Variants in PIP4P2 observed in about 807,000 individuals in gnomAD.
The protein encoded by PIP4P2 is type 2 phosphatidylinositol 4,5-bisphosphate 4-phosphatase.
PIP4P2 carries 19 observed loss-of-function variants against 33.3 expected under a neutral mutation model. The ratio of observed to expected loss-of-function variants is 0.57; its 90% CI spans 0.40 to 0.84. PIP4P2 has a LOEUF of 0.84. Ranked by LOEUF, PIP4P2 falls within the 40% of genes least tolerant of loss-of-function variation. The probability of loss-of-function intolerance (pLI) is 0.00; values close to 1 mark genes in which losing one functional copy is unlikely to be tolerated. For missense variants in PIP4P2, 270 were observed against 324.7 expected, an observed-to-expected ratio of 0.83 and a Z score of 1.29; for synonymous variants, 110 against 111.9, an observed-to-expected ratio of 0.98 and a Z score of 0.11.
chr8:91,005,334 T>TG (rs1323122042), intron 5 of PIP4P2, among the ~76,000 whole-genome samples: 1 of 152,164 alleles, frequency 6.6e-6, no homozygotes, highest in African/African-American at 2.4e-5. Flanking sequence ...TTTGTACCTT[T>TG]GCACAGGTAG....
chr8:91,015,998 A>G (rs950720862), intron 4 of PIP4P2, among the ~76,000 whole-genome samples: 5 of 152,234 alleles, frequency 3.3e-5, no homozygotes, highest in African/African-American at 1.2e-4. Flanking sequence ...AACATAAAGT[A>G]CATTGATTTC....
intron 3 of PIP4P2, chr8:91,018,716 A>G (rs1209119206): frequency 4.9e-6 from 3 of 613,810 alleles, no homozygotes; most frequent in Non-Finnish European, 8.2e-6. Flanking sequence ...TGGGATAGAA[A>G]CAATATATTA....
Position 91,020,192 on chromosome 8 carries a change from G to A in PIP4P2, c.327C>T (p.Asp109=), listed in dbSNP as rs1811987226. The A allele has an allele frequency of 1.2e-6, 2 of 1,613,718 alleles. No individual in the cohort carries two copies. Among genetic ancestry groups the A allele is most frequent in the African/African-American group, 2.7e-5 (2 of 75,014 alleles). ...TTGGGCATCCTATTCGCCGAGATGTGTCCTTACAAATGAGAAGACAATTAC... is the reference window on the plus strand; with the variant it reads ...TTGGGCATCCTATTCGCCGAGATGTATCCTTACAAATGAGAAGACAATTAC... ...CPCNCLLICK[D]TSRRIGCPRP... Residue 109 remains aspartate, a synonymous_variant, in exon 3 of 7, where the codon GAC becomes GAT. Coordinates refer to ENST00000285419, the MANE Select transcript of PIP4P2 (RefSeq NM_018710.3).
At chr8:91,013,019 TTC>T (rs919887149) in intron 4 of PIP4P2, among the ~76,000 whole-genome samples, 1 of 152,142 alleles carries the variant, frequency 6.6e-6, no homozygotes, top group African/African-American at 2.4e-5. Flanking sequence ...GTACAGTCAA[TTC>T]TCTCTCAAAT....
intron 1 of PIP4P2, among the ~76,000 whole-genome samples, chr8:91,033,540 G>A (rs1209078084): frequency 6.6e-6 from 1 of 152,100 alleles, no homozygotes. Context: ...TGTCTCATTA[G>A]TCTGTTCTCC....
intron 1 of PIP4P2, among the ~76,000 whole-genome samples, chr8:91,026,734 A>G (rs1357749054): frequency 6.6e-6 from 1 of 152,198 alleles, no homozygotes; most frequent in Non-Finnish European, 1.5e-5. Context: ...TCAGGAAACA[A>G]TTCCTCAAAG....
chr8:91,001,137 A>G (rs369373601), intron 5 of PIP4P2, among the ~76,000 whole-genome samples: 87 of 152,224 alleles, frequency 5.7e-4, no homozygotes, highest in Admixed American at 1.4e-3. Context: ...ATAACACATA[A>G]AAATACCATG....
In PIP4P2 at chr8:90,996,722, G is replaced by A. The variant is rs776367256; in HGVS notation, c.562C>T (p.Pro188Ser). Residue 188 changes from proline to serine, a missense_variant, in exon 6 of 7, where the codon CCA becomes TCA. Coordinates refer to ENST00000285419, the MANE Select transcript of PIP4P2 (RefSeq NM_018710.3). ...KKISSVGSAL[P>S]RRRCCAYITI... ...ATATATGCACAGCAGCGTCTTCGTG[G>A]AAGTGCACTACCCACTGAGGAGCTG... 1 of 1,608,554 alleles carries A rather than the reference G, an allele frequency of 6.2e-7. No individual in the cohort carries two copies. The highest frequency in any genetic ancestry group is 2.2e-5 in the East Asian group (1 of 44,712).
chr8:91,011,360 A>C (rs10081409), intron 4 of PIP4P2, among the ~76,000 whole-genome samples: 5,230 of 152,112 alleles, frequency 0.034, 294 homozygotes, highest in African/African-American at 0.12. Flanking sequence ...TCTGCTGTTC[A>C]GTTGTGTTAA....
At chr8:90,995,971 T>A in intron 6 of PIP4P2, 151 bp from the exon 7 acceptor site, 1 of 793,652 alleles carries the variant, frequency 1.3e-6, no homozygotes. Context: ...ATCTGTTGAC[T>A]GCAACTGATA....
chr8:91,024,490 C>T, intron 1 of PIP4P2: 2 of 275,260 alleles, frequency 7.3e-6, no homozygotes, highest in South Asian at 7.3e-5. Context: ...TTGGCATAAT[C>T]ATAGCTCAAT....
chr8:91,013,609 G>A (rs190330286), intron 4 of PIP4P2, among the ~76,000 whole-genome samples: 192 of 152,064 alleles, frequency 1.3e-3, no homozygotes, highest in African/African-American at 4.3e-3. Flanking sequence ...AACATAGCTC[G>A]CTGCAACCTC....
At chr8:91,023,568 C>CAAA (rs150852197) in intron 1 of PIP4P2, among the ~76,000 whole-genome samples, 2 of 141,954 alleles carry the variant, frequency 1.4e-5, no homozygotes, top group South Asian at 4.6e-4. Context: ...TTTAATCTGC[C>CAAA]AAAAAAAAAA....
chr8:91,032,949 T>C (rs769455540), intron 1 of PIP4P2, among the ~76,000 whole-genome samples: 2 of 152,168 alleles, frequency 1.3e-5, no homozygotes, highest in Non-Finnish European at 2.9e-5. Context: ...CCTGTTAACT[T>C]TCTTCTCCAA....
rs1209676123 is a variant in PIP4P2 at position 91,040,725 on chromosome 8, G to T, written c.25C>A (p.Arg9Ser). MAADGVDE[R>S]SPLLSASHSG... The stretch of plus-strand genomic sequence containing the variant: ...TGGGATGCTGACAGCAGAGGCGAGC[G>T]TTCGTCCACCCCATCAGCAGCCATG... The change falls in exon 1 of 7, where the codon CGC becomes AGC. Residue 9 changes from arginine to serine, a missense_variant. Physicochemically the swap from Arg to Ser is moderately radical, Grantham distance 110 (BLOSUM62 -1). Coordinates refer to ENST00000285419, the MANE Select transcript of PIP4P2 (RefSeq NM_018710.3). The T allele has an allele frequency of 3.7e-6, 6 of 1,612,442 alleles. No individual in the cohort carries two copies. The highest frequency in any genetic ancestry group is 5.1e-6 in the Non-Finnish European group (6 of 1,180,008).
chr8:90,996,680 ATATC>A lies in PIP4P2; in HGVS notation c.600_603del (p.Met200IlefsTer9), dbSNP rs1469782668. On this transcript the variant is annotated frameshift_variant, in exon 6 of 7. Coordinates refer to ENST00000285419, the MANE Select transcript of PIP4P2 (RefSeq NM_018710.3). LOFTEE classifies it high-confidence loss of function. ...GTTAACCCAACTCCAATGAAAATAC[ATATC>A]ATTCCAATGGTAATATATGCACAGC... The A allele has an allele frequency of 6.2e-7, 1 of 1,609,782 alleles. No homozygotes were observed. Among genetic ancestry groups the A allele is most frequent in the Non-Finnish European group, 8.5e-7 (1 of 1,177,876 alleles).
intron 1 of PIP4P2, 151 bp downstream of exon 1, chr8:91,040,493 T>TTGCC (rs1812290716): frequency 1.2e-6 from 1 of 823,840 alleles, no homozygotes; most frequent in Non-Finnish European, 1.9e-6. Flanking sequence ...GCAGGCGGGC[T>TTGCC]TGCCTGGGAA....
At position 90,995,711 on chromosome 8, in the gene PIP4P2, A is replaced by G; in HGVS notation, c.740T>C (p.Ile247Thr). ...CLIRACYWGA[I>T]RVSYPEHSFA ...ACTGTGTTCTGGATAACTGACTCTT[A>G]TGGCTCCCCAATAACAAGCTCGGAT... Residue 247 changes from isoleucine to threonine, a missense_variant, in exon 7 of 7, where the codon ATA becomes ACA. Physicochemically the swap from Ile to Thr is moderately conservative, Grantham distance 89. Transcript: ENST00000285419. 6.2e-7 allele frequency: 1 copy of G among 1,613,382 alleles called. No homozygotes were observed. Among genetic ancestry groups the G allele is most frequent in the Non-Finnish European group, 8.5e-7 (1 of 1,179,586 alleles).
rs544705603 is a variant in PIP4P2 at position 91,001,043 on chromosome 8, C to G, written c.540-4299G>C. Among the ~76,000 whole-genome samples the G allele has an allele frequency of 5.9e-5, 9 of 151,990 alleles. No individual in the cohort carries two copies. The East Asian group carries it at 1.7e-3, about 29-fold the overall frequency. On this transcript the variant is annotated intron_variant, in intron 5 of 6. Transcript: ENST00000285419. ...ATTTCTGTAATAATTTCTAGAAGTTCTATTGTTTCTTTCTATATCTATCTG... is the reference window on the plus strand; with the variant it reads ...ATTTCTGTAATAATTTCTAGAAGTTGTATTGTTTCTTTCTATATCTATCTG...
Sources: allele counts gnomAD v4.1 joint callset (sites outside exome capture counted in the v4.1 genomes callset), GRCh38; gene constraint gnomAD v4.1.1; transcripts MANE v1.5; gene names NCBI Gene and HGNC (gene_info 2026-07-23, HGNC 2026-07-21).